Variants in AFF2 observed in about 807,000 individuals in gnomAD.
AFF2 encodes the protein AF4/FMR2 family member 2.
A neutral mutation model predicts 76.9 loss-of-function variants in AFF2; 14 were observed. That is an observed-to-expected ratio of 0.18 (90% confidence interval 0.12 to 0.28). The LOEUF (loss-of-function observed/expected upper bound fraction) is 0.28, where lower values mean the gene tolerates loss of function less well. Among genes scored for constraint, AFF2 ranks in the 10% least tolerant of loss-of-function variants. The pLI, the probability that AFF2 is intolerant of heterozygous loss-of-function variation, is 1.00. For missense variants in AFF2, 868 were observed against 1,001.1 expected, an observed-to-expected ratio of 0.87 and a Z score of 1.79; for synonymous variants, 398 against 366.7, an observed-to-expected ratio of 1.09 and a Z score of -0.98.
chrX:148,529,613 G>T (rs1358188210), intron 1 of AFF2, among the ~76,000 whole-genome samples: 1 of 111,654 alleles, frequency 9.0e-6, no homozygotes, highest in Middle Eastern at 4.2e-3. Context: ...TGATATTTTA[G>T]CAAAAACCTT....
At chrX:148,872,706 G>A (rs1453457730) in intron 7 of AFF2, among the ~76,000 whole-genome samples, 1 of 112,084 alleles carries the variant, frequency 8.9e-6, no homozygotes, top group Non-Finnish European at 1.9e-5. Flanking sequence ...CACGTAAGTG[G>A]TGGTTGGGAA....
intron 3 of AFF2, among the ~76,000 whole-genome samples, chrX:148,789,202 A>G (rs1557269775): frequency 8.9e-6 from 1 of 112,223 alleles, no homozygotes; most frequent in Admixed American, 9.5e-5. Flanking sequence ...ATATGTGCCC[A>G]TGCCTTATCT....
At chrX:148,735,886 A>G (rs1304204902) in intron 3 of AFF2, among the ~76,000 whole-genome samples, 3 of 111,689 alleles carry the variant, frequency 2.7e-5, no homozygotes, top group African/African-American at 9.8e-5. Flanking sequence ...TCCATTCCTG[A>G]GTTACTTCAC....
intron 3 of AFF2, among the ~76,000 whole-genome samples, chrX:148,728,944 G>T (rs1273373770): frequency 8.9e-6 from 1 of 112,157 alleles, no homozygotes; most frequent in Non-Finnish European, 1.9e-5. Flanking sequence ...GAGTAGGATT[G>T]AATTACTTGG....
chrX:148,932,864 G>T (rs2071730395), intron 9 of AFF2, among the ~76,000 whole-genome samples: 1 of 112,006 alleles, frequency 8.9e-6, no homozygotes, highest in Admixed American at 9.4e-5. Context: ...TAGTTCTCAG[G>T]GACTGTTCTA....
chrX:148,669,614 C>A (rs782812405), intron 3 of AFF2, among the ~76,000 whole-genome samples: 1 of 111,171 alleles, frequency 9.0e-6, no homozygotes, highest in East Asian at 2.9e-4. Context: ...GTGAGACTTA[C>A]TGACTATCAC....
chrX:148,917,171 T>C (rs73612098), intron 9 of AFF2, among the ~76,000 whole-genome samples: 5,284 of 112,062 alleles, frequency 0.047, 308 homozygotes, highest in African/African-American at 0.16. Flanking sequence ...CTAGTTTTAC[T>C]GTTATTAATA....
chrX:148,923,384 T>A (rs930502860), intron 9 of AFF2, among the ~76,000 whole-genome samples: 64 of 111,958 alleles, frequency 5.7e-4, no homozygotes, highest in African/African-American at 1.9e-3. Flanking sequence ...GAACCTCATA[T>A]GCTTGGGACA....
intron 1 of AFF2, among the ~76,000 whole-genome samples, chrX:148,612,764 A>C (rs1412234501): frequency 8.9e-6 from 1 of 112,036 alleles, no homozygotes; most frequent in Non-Finnish European, 1.9e-5. Context: ...AATATTTGTG[A>C]TCCAATTGGT....
chrX:148,932,901 A>G (rs1370173239), intron 9 of AFF2, among the ~76,000 whole-genome samples: 5 of 112,529 alleles, frequency 4.4e-5, no homozygotes, highest in African/African-American at 1.6e-4. Flanking sequence ...CAAAAAACAA[A>G]ACAGTCCAAA....
At chrX:148,921,748 A>G (rs920910765) in intron 9 of AFF2, among the ~76,000 whole-genome samples, 1 of 112,555 alleles carries the variant, frequency 8.9e-6, no homozygotes, top group Admixed American at 9.4e-5. Flanking sequence ...GCTTAAGATA[A>G]AATGACTCTA....
intron 3 of AFF2, among the ~76,000 whole-genome samples, chrX:148,752,160 G>A (rs1243754519): frequency 9.0e-6 from 1 of 111,610 alleles, no homozygotes; most frequent in African/African-American, 3.3e-5. Flanking sequence ...ATATGAATTT[G>A]GGGGAATGTA....
At chrX:148,837,972 G>T (rs919505854) in intron 5 of AFF2, among the ~76,000 whole-genome samples, 2 of 112,067 alleles carry the variant, frequency 1.8e-5, no homozygotes, top group East Asian at 2.8e-4. Context: ...TGTCCAAGTC[G>T]CTGTGCCTAG....
intron 3 of AFF2, among the ~76,000 whole-genome samples, chrX:148,759,223 G>C (rs2069411824): frequency 8.9e-6 from 1 of 112,148 alleles, no homozygotes; most frequent in South Asian, 3.7e-4. Flanking sequence ...ACGACTTTGG[G>C]TTTGGAATTT....
At chrX:148,697,403 T>C (rs1185747864) in intron 3 of AFF2, among the ~76,000 whole-genome samples, 4 of 112,303 alleles carry the variant, frequency 3.6e-5, no homozygotes, top group African/African-American at 9.7e-5. Context: ...GTATCACCAT[T>C]GTAGGCTGAG....
chrX:148,931,253 CAAAAAAAAA>C (rs782537927), intron 9 of AFF2, among the ~76,000 whole-genome samples: 63 of 43,767 alleles, frequency 1.4e-3, no homozygotes, highest in Middle Eastern at 0.021. Context: ...GACTCTGTCT[CAAAAAAAAA>C]AAAAAAAAAA....
Position 148,946,067 on chromosome X carries a change from A to C in AFF2, c.1398-7513A>C, listed in dbSNP as rs139820176. ...GTGCTGAAAAGCCATTGCCAAAATC[A>C]CTCATAATTATCATCTCAGAAAGGA... On this transcript the variant is annotated intron_variant, in intron 9 of 20. Transcript: ENST00000370460. Among the ~76,000 whole-genome samples the C allele has an allele frequency of 1.5e-4, 17 of 112,203 alleles. No individual in the cohort carries two copies. The East Asian group carries it at 4.8e-3, about 31-fold the overall frequency.
intron 3 of AFF2, among the ~76,000 whole-genome samples, chrX:148,767,611 C>A (rs1255845574): frequency 9.0e-6 from 1 of 111,678 alleles, no homozygotes; most frequent in East Asian, 2.8e-4. Flanking sequence ...TTCATAATAT[C>A]CTTGTAACCA....
At chrX:148,614,759 TTTC>T (rs1557250062) in intron 1 of AFF2, among the ~76,000 whole-genome samples, 3 of 52,672 alleles carry the variant, frequency 5.7e-5, no homozygotes, top group African/African-American at 3.1e-4. Context: ...TCTTTCTTTC[TTTC>T]TTTCTTTCTT....
Sources: allele counts gnomAD v4.1 joint callset (sites outside exome capture counted in the v4.1 genomes callset), GRCh38; gene constraint gnomAD v4.1.1; transcripts MANE v1.5; gene names NCBI Gene and HGNC (gene_info 2026-07-23, HGNC 2026-07-21).